MYO3B: variants seen among roughly 807,000 people sequenced by gnomAD.
MYO3B encodes myosin IIIB.
Under a neutral mutation model 174.6 loss-of-function variants are expected in MYO3B, and 156 were observed. That is an observed-to-expected ratio of 0.89 (90% CI 0.78 to 1.02). The LOEUF (loss-of-function observed/expected upper bound fraction) is 1.02. MYO3B is among the 50% of genes least tolerant of loss of function. MYO3B has a pLI of 0.00. For synonymous variants in MYO3B, 563 were observed against 569.1 expected, an observed-to-expected ratio of 0.99 and a Z score of 0.15; for missense variants, 1,632 against 1,639.4, an observed-to-expected ratio of 1.00 and a Z score of 0.08.
At chr2:170,452,231 C>G (rs62170686) in intron 23 of MYO3B, among the ~76,000 whole-genome samples, 12,075 of 152,008 alleles carry the variant, frequency 0.079, 555 homozygotes, top group Non-Finnish European at 0.1. Flanking sequence ...TAACGTAAAA[C>G]CAAACAAAGC....
At chr2:170,594,650 C>T (rs1235227817) in intron 32 of MYO3B, among the ~76,000 whole-genome samples, 1 of 152,104 alleles carries the variant, frequency 6.6e-6, no homozygotes, top group Non-Finnish European at 1.5e-5. Flanking sequence ...CTGAACATCC[C>T]ACCCAGTAGC....
intron 7 of MYO3B, among the ~76,000 whole-genome samples, chr2:170,333,192 A>G (rs1252351423): frequency 6.6e-6 from 1 of 152,202 alleles, no homozygotes; most frequent in African/African-American, 2.4e-5. Context: ...ACTCACTGAA[A>G]GATATAGCAC....
At chr2:170,187,104 A>T (rs932269626) in intron 1 of MYO3B, among the ~76,000 whole-genome samples, 15 of 152,018 alleles carry the variant, frequency 9.9e-5, no homozygotes, top group African/African-American at 3.6e-4. Context: ...TCAAAAAACA[A>T]ACTGTTTGTT....
At chr2:170,652,678 C>T (rs976776589) in intron 34 of MYO3B, among the ~76,000 whole-genome samples, 1 of 152,174 alleles carries the variant, frequency 6.6e-6, no homozygotes, top group African/African-American at 2.4e-5. Context: ...AAAACTTTCT[C>T]ATCTAGAGGG....
intron 30 of MYO3B, among the ~76,000 whole-genome samples, chr2:170,542,552 G>A (rs1217925166): frequency 1.3e-5 from 2 of 152,222 alleles, no homozygotes; most frequent in Admixed American, 1.3e-4. Flanking sequence ...TGTGATTCAT[G>A]TGCTGTGCAG....
rs137945742 is a variant in MYO3B at position 170,222,614 on chromosome 2, T to A, written c.603+5219T>A. On this transcript the variant is annotated intron_variant, in intron 6 of 34. Coordinates refer to ENST00000408978, the MANE Select transcript of MYO3B (RefSeq NM_138995.5). The stretch of plus-strand genomic sequence containing the variant: ...CTGTGTGTCTTCACATGTCCATGAC[T>A]TCTTATAAGAACACCAGTCCCGTCG... Among the ~76,000 whole-genome samples the A allele has an allele frequency of 2.9e-3, 441 of 152,302 alleles. 4 individuals carry two copies. The highest frequency in any genetic ancestry group is 4.4e-3 in the Non-Finnish European group (299 of 68,028).
chr2:170,540,518 A>C (rs868818764), intron 30 of MYO3B, among the ~76,000 whole-genome samples: 50 of 152,056 alleles, frequency 3.3e-4, no homozygotes, highest in African/African-American at 1.0e-3. Flanking sequence ...GGGCTCAAGC[A>C]GTTCTCCCAC....
At position 170,467,118 on chromosome 2, in the gene MYO3B, A is replaced by G. The variant is rs79161551; in HGVS notation, c.3014+407A>G. 2.7e-3 allele frequency among the ~76,000 whole-genome samples: 408 copies of G among 152,342 alleles called. 3 individuals carry two copies. Among genetic ancestry groups the G allele is most frequent in the African/African-American group, 9.1e-3 (378 of 41,574 alleles). On this transcript the variant is annotated intron_variant, in intron 25 of 34. Transcript: ENST00000408978. ...ACACTTACATAACACCTGAAGTATC[A>G]TAAGAGTACAGGACATTTTAGGGCA...
chr2:170,492,909 C>T (rs1686583733), intron 25 of MYO3B, among the ~76,000 whole-genome samples: 1 of 152,206 alleles, frequency 6.6e-6, no homozygotes, highest in South Asian at 2.1e-4. Flanking sequence ...CATAGGACAA[C>T]TGTGGTGCAT....
At chr2:170,305,107 G>A (rs1220578284) in intron 7 of MYO3B, among the ~76,000 whole-genome samples, 1 of 151,702 alleles carries the variant, frequency 6.6e-6, no homozygotes, top group African/African-American at 2.4e-5. Flanking sequence ...TAGTTACACT[G>A]GAACTTTTTC....
intron 32 of MYO3B, among the ~76,000 whole-genome samples, chr2:170,548,106 CAAAAAAAAAAAAAA>C (rs10532249): frequency 1.9e-5 from 1 of 51,720 alleles, no homozygotes; most frequent in Non-Finnish European, 3.0e-5. Context: ...GACTCCGTCT[CAAAAAAAAAAAAAA>C]AAAAAAAAAA....
rs576288993 is a variant in MYO3B at position 170,400,636 on chromosome 2, C to G, written c.1918+322C>G. Among the ~76,000 whole-genome samples, 328 of 94,886 alleles carry G rather than the reference C, an allele frequency of 3.5e-3. 5 individuals are homozygous for G. Among genetic ancestry groups the G allele is most frequent in the Middle Eastern group, 0.019 (4 of 208 alleles). The allele number at this position is 94,886 out of a possible 152,430, so 62.2% of individuals were successfully genotyped here. On this transcript the variant is annotated intron_variant, in intron 17 of 34. Transcript: ENST00000408978. ...GCCAGGCTGGTCTTGAACTCCTGAC[C>G]TCATGATCCACCCCCCCCCCCTCGG...
In MYO3B at chr2:170,286,590, A is replaced by G. The variant is rs572991209; in HGVS notation, c.750-48795A>G. Among the ~76,000 whole-genome samples the G allele has an allele frequency of 1.6e-4, 25 of 152,232 alleles. No homozygotes were observed. In the South Asian group the frequency reaches 3.5e-3, roughly 21 times the overall value. On this transcript the variant is annotated intron_variant, in intron 7 of 34. Coordinates refer to ENST00000408978, the MANE Select transcript of MYO3B (RefSeq NM_138995.5). Reference sequence around the variant, plus strand: ...TTTTTATATAAAATTTAGGAACAGTATGTCAAGTTCCGTCTTACTGGGAGT... The same window carrying G: ...TTTTTATATAAAATTTAGGAACAGTGTGTCAAGTTCCGTCTTACTGGGAGT...
Position 170,253,277 on chromosome 2 carries a change from A to G in MYO3B, c.749+17141A>G, listed in dbSNP as rs1052649904. Among the ~76,000 whole-genome samples, 6 of 152,284 alleles carry G rather than the reference A, an allele frequency of 3.9e-5. No homozygotes were observed. In the East Asian group the frequency reaches 1.2e-3, roughly 29 times the overall value. ...GGAGGTGGTGCTGACAGGATTGCTTATGGATTTGATGTAGGGTATGAGAGG... is the reference window on the plus strand; with the variant it reads ...GGAGGTGGTGCTGACAGGATTGCTTGTGGATTTGATGTAGGGTATGAGAGG... On this transcript the variant is annotated intron_variant, in intron 7 of 34. Transcript: ENST00000408978.
At chr2:170,442,966 T>C (rs1194914782) in intron 22 of MYO3B, among the ~76,000 whole-genome samples, 23 of 152,246 alleles carry the variant, frequency 1.5e-4, no homozygotes, top group Admixed American at 1.4e-3. Context: ...TAAACATACA[T>C]GTGCATGTGT....
At chr2:170,616,457 G>A (rs1040688704) in intron 32 of MYO3B, among the ~76,000 whole-genome samples, 3 of 152,092 alleles carry the variant, frequency 2.0e-5, no homozygotes, top group African/African-American at 7.2e-5. Context: ...GTCCAACCTG[G>A]CATTGTCTTT....
chr2:170,635,634 C>G (rs1470678566), intron 32 of MYO3B, among the ~76,000 whole-genome samples: 1 of 151,906 alleles, frequency 6.6e-6, no homozygotes, highest in South Asian at 2.1e-4. Flanking sequence ...TATATATTAA[C>G]GATCCTCACA....
intron 7 of MYO3B, among the ~76,000 whole-genome samples, chr2:170,291,743 A>G (rs1030676068): frequency 6.6e-6 from 1 of 150,738 alleles, no homozygotes; most frequent in African/African-American, 2.4e-5. Context: ...GCACTTTGAA[A>G]ATGCCATTTT....
rs77367594 is a variant in MYO3B at position 170,526,436 on chromosome 2, A to G, written c.3575+6896A>G. ...TGACTTAGCTCTAGAATTGTAGACTAAAATAAGCATTGAGGTTTCCATCAC... is the reference window on the plus strand; with the variant it reads ...TGACTTAGCTCTAGAATTGTAGACTGAAATAAGCATTGAGGTTTCCATCAC... On this transcript the variant is annotated intron_variant, in intron 30 of 34. Coordinates refer to ENST00000408978, the MANE Select transcript of MYO3B (RefSeq NM_138995.5). Among the ~76,000 whole-genome samples, 1,470 of 152,326 alleles carry G rather than the reference A, an allele frequency of 9.7e-3. 51 individuals carry two copies. The East Asian group carries it at 0.11, about 11-fold the overall frequency.
Sources: allele counts gnomAD v4.1 joint callset (sites outside exome capture counted in the v4.1 genomes callset), GRCh38; gene constraint gnomAD v4.1.1; transcripts MANE v1.5; gene names NCBI Gene and HGNC (gene_info 2026-07-23, HGNC 2026-07-21).